PRDM5: variants seen among roughly 807,000 people sequenced by gnomAD.
PRDM5 encodes PR/SET domain 5.
PRDM5 carries 56 observed loss-of-function variants against 81.2 expected under a neutral mutation model. That is an observed-to-expected ratio of 0.69 (90% confidence interval 0.56 to 0.86). PRDM5 has a LOEUF of 0.86. PRDM5 is among the 40% of genes least tolerant of loss of function. PRDM5 has a pLI of 0.00. For synonymous variants in PRDM5, 267 were observed against 256.4 expected (o/e 1.04, Z -0.39); for missense variants, 697 against 770.1 (o/e 0.91, Z 1.12).
chr4:120,737,475 A>T (rs1307855262), intron 14 of PRDM5, among the ~76,000 whole-genome samples: 8 of 152,134 alleles, frequency 5.3e-5, no homozygotes, highest in Admixed American at 1.3e-4. Flanking sequence ...CCAGTTATAT[A>T]CTTGGGACCC....
intron 15 of PRDM5, among the ~76,000 whole-genome samples, chr4:120,701,970 G>C (rs908732670): frequency 1.3e-5 from 2 of 152,156 alleles, no homozygotes; most frequent in Non-Finnish European, 2.9e-5. Context: ...TCCTCAAATA[G>C]AGGTGGTACA....
chr4:120,688,528 GTCCTA>G (rs1369298515), downstream of PRDM5, among the ~76,000 whole-genome samples: 4 of 151,984 alleles, frequency 2.6e-5, no homozygotes, highest in Admixed American at 2.6e-4. Flanking sequence ...TGCTTTTGGT[GTCCTA>G]TCCAAGAAAT....
At chr4:120,758,421 C>A (rs1037433114) in intron 13 of PRDM5, among the ~76,000 whole-genome samples, 16 of 152,232 alleles carry the variant, frequency 1.1e-4, no homozygotes, top group African/African-American at 3.4e-4. Flanking sequence ...TACTTGGGAA[C>A]TGGGTTGTTG....
chr4:120,907,888 G>A (rs1414229002), intron 1 of PRDM5, among the ~76,000 whole-genome samples: 2 of 152,196 alleles, frequency 1.3e-5, no homozygotes, highest in African/African-American at 4.8e-5. Flanking sequence ...AAAAAGCACT[G>A]AGTTTTGTCT....
chr4:120,884,249 G>A (rs1275684853), intron 2 of PRDM5, among the ~76,000 whole-genome samples: 9 of 152,046 alleles, frequency 5.9e-5, no homozygotes, highest in East Asian at 1.9e-4. Flanking sequence ...CATTAATGTC[G>A]TATGTATTGC....
chr4:120,871,388 A>T (rs893745650), intron 2 of PRDM5, among the ~76,000 whole-genome samples: 1 of 152,200 alleles, frequency 6.6e-6, no homozygotes, highest in African/African-American at 2.4e-5. Flanking sequence ...GTGGCACGTC[A>T]GATGTTTATC....
rs572645905 is a variant in PRDM5 at position 120,818,698 on chromosome 4, CAAGT to C, written c.476-175_476-172del. 2.4e-3 allele frequency among the ~76,000 whole-genome samples: 361 copies of C among 152,196 alleles called. 1 individual carries two copies. Among genetic ancestry groups the C allele is most frequent in the African/African-American group, 8.4e-3 (349 of 41,532 alleles). On this transcript the variant is annotated intron_variant, in intron 4 of 15. Coordinates refer to ENST00000264808, the MANE Select transcript of PRDM5 (RefSeq NM_018699.4). ...GTATTTGGCCACAAAAAAATAATAG[CAAGT>C]GTTACTAGAGAGAAATACATTATTT...
intron 14 of PRDM5, among the ~76,000 whole-genome samples, chr4:120,744,534 CAAGACTAAT>C (rs1332596595): frequency 1.3e-5 from 2 of 151,406 alleles, no homozygotes; most frequent in Non-Finnish European, 2.9e-5. Flanking sequence ...AGACCGCTAG[CAAGACTAAT>C]AAAGAAAAAA....
Position 120,800,163 on chromosome 4 carries a change from T to C in PRDM5, c.946-418A>G, listed in dbSNP as rs192926155. ...AATGTACATAGTAGAGAGTGCAACATTAATTACAGTAAAAGATCAGAAGTT... is the reference window on the plus strand; with the variant it reads ...AATGTACATAGTAGAGAGTGCAACACTAATTACAGTAAAAGATCAGAAGTT... On this transcript the variant is annotated intron_variant, in intron 8 of 15. Transcript: ENST00000264808. Among the ~76,000 whole-genome samples, 264 of 152,246 alleles carry C rather than the reference T, an allele frequency of 1.7e-3. 1 individual carries two copies. The highest frequency in any genetic ancestry group is 6.2e-3 in the African/African-American group (258 of 41,546).
downstream of PRDM5, among the ~76,000 whole-genome samples, chr4:120,689,369 G>A (rs1733952265): frequency 6.6e-6 from 1 of 152,046 alleles, no homozygotes; most frequent in Non-Finnish European, 1.5e-5. Context: ...GAGAAGGAAA[G>A]AATGAAAGTG....
chr4:120,839,867 G>GGGGGAGCTGAGGCAGC (rs1173896542), intron 3 of PRDM5, among the ~76,000 whole-genome samples: 8 of 152,188 alleles, frequency 5.3e-5, no homozygotes, highest in African/African-American at 1.7e-4. Context: ...AGTCTGCAGC[G>GGGGGAGCTGAGGCAGC]GGGGAGCTGA....
Position 120,729,271 on chromosome 4 carries a change from A to T in PRDM5, c.1624-18858T>A, listed in dbSNP as rs943294871. ...AGAATAACAGCTTTTTTATGGAGCA[A>T]AAGGAAAGATCCATAACTCTATTTT... is the stretch of plus-strand genomic sequence containing the variant. On this transcript the variant is annotated intron_variant, in intron 14 of 15. Transcript: ENST00000264808. 2.6e-5 allele frequency among the ~76,000 whole-genome samples: 4 copies of T among 152,354 alleles called. No individual in the cohort carries two copies. The South Asian group carries it at 6.2e-4, about 24-fold the overall frequency.
At chr4:120,721,705 G>C (rs1738634004) in intron 14 of PRDM5, among the ~76,000 whole-genome samples, 1 of 152,196 alleles carries the variant, frequency 6.6e-6, no homozygotes, top group African/African-American at 2.4e-5. Context: ...GTTTAAAAAC[G>C]TGATCAAGGT....
At chr4:120,774,888 C>CTA (rs140501417) in intron 13 of PRDM5, among the ~76,000 whole-genome samples, 68,888 of 129,124 alleles carry the variant, frequency 0.53, 16,734 homozygotes, top group East Asian at 0.61. Flanking sequence ...CTCTCTCTTT[C>CTA]TATATATATA....
At chr4:120,815,689 AAACACATG>A (rs1317760658) in intron 7 of PRDM5, among the ~76,000 whole-genome samples, 1 of 152,232 alleles carries the variant, frequency 6.6e-6, no homozygotes, top group Non-Finnish European at 1.5e-5. Flanking sequence ...GGGCAAAAAT[AAACACATG>A]AACAAAGAAT....
chr4:120,853,424 G>T lies in PRDM5; in HGVS notation c.294C>A (p.Ala98=), dbSNP rs1578994254. 6.2e-7 allele frequency: 1 copy of T among 1,613,722 alleles called. No homozygotes were observed. The highest frequency in any genetic ancestry group is 8.5e-7 in the Non-Finnish European group (1 of 1,179,700). ...APSQEQKNLA[A]IQEGENIFYL... ...GAGAAGCAAATAAGCTCACTTGAATGGCAGCCAAGTTCTTCTGCTCCTGAG... is the reference window on the plus strand; with the variant it reads ...GAGAAGCAAATAAGCTCACTTGAATTGCAGCCAAGTTCTTCTGCTCCTGAG... Residue 98 remains alanine, a synonymous_variant, in exon 3 of 16, where the codon GCC becomes GCA. Transcript: ENST00000264808.
chr4:120,685,803 T>C (rs2148974678), intron 1 of PRDM5, among the ~76,000 whole-genome samples: 1 of 152,290 alleles, frequency 6.6e-6, no homozygotes, highest in South Asian at 2.1e-4. Flanking sequence ...TTCAAATTTA[T>C]GGTCTTTCTT....
chr4:120,915,445 G>T (rs1175838415), intron 1 of PRDM5, among the ~76,000 whole-genome samples: 4 of 133,032 alleles, frequency 3.0e-5, no homozygotes, highest in Non-Finnish European at 4.8e-5. Flanking sequence ...CTCCCCATGT[G>T]AGAGAGGTTT....
intron 14 of PRDM5, among the ~76,000 whole-genome samples, chr4:120,736,809 T>G (rs1454892564): frequency 6.6e-6 from 1 of 152,230 alleles, no homozygotes; most frequent in Non-Finnish European, 1.5e-5. Flanking sequence ...TTTAGATCAA[T>G]GAGCACAATC....
Sources: gnomAD v4.1 joint callset for allele counts (sites outside exome capture counted in the v4.1 genomes callset) on GRCh38, gnomAD v4.1.1 for gene constraint, MANE v1.5 for transcripts, NCBI Gene and HGNC (gene_info 2026-07-23, HGNC 2026-07-21) for gene names.